The following CDH4 variants were observed in gnomAD, a reference collection of about 807,000 sequenced individuals.
CDH4 encodes cadherin 4.
In CDH4, 33 loss-of-function variants were observed where a neutral mutation model predicts 86.0. That is an observed-to-expected ratio of 0.38 (90% CI 0.29 to 0.51). The LOEUF (loss-of-function observed/expected upper bound fraction) is 0.51, where lower values mean the gene tolerates loss of function less well. CDH4 is among the 20% of genes least tolerant of loss of function. CDH4 has a pLI of 0.86. For synonymous variants in CDH4, 555 were observed against 549.4 expected, an observed-to-expected ratio of 1.01 and a Z score of -0.14; for missense variants, 1,114 against 1,307.4, an observed-to-expected ratio of 0.85 and a Z score of 2.28.
chr20:61,380,604 A>G (rs1429725918), intron 2 of CDH4, among the ~76,000 whole-genome samples: 1 of 151,424 alleles, frequency 6.6e-6, no homozygotes, highest in Admixed American at 6.6e-5. Flanking sequence ...TGAGAAGATA[A>G]TATCTTTCGG....
intron 2 of CDH4, among the ~76,000 whole-genome samples, chr20:61,384,165 C>T (rs1451336657): frequency 2.6e-5 from 4 of 152,088 alleles, no homozygotes; most frequent in Non-Finnish European, 5.9e-5. Flanking sequence ...CCTTTCCCAG[C>T]CCATTGACTC....
At chr20:61,860,193 T>C (rs1983255317) in intron 6 of CDH4, among the ~76,000 whole-genome samples, 1 of 152,236 alleles carries the variant, frequency 6.6e-6, no homozygotes, top group Non-Finnish European at 1.5e-5. Context: ...ATCAGTTCAT[T>C]TTCCTGACTC....
In CDH4 at chr20:61,399,361, T is replaced by C. The variant is rs2085037101; in HGVS notation, c.169+144424T>C. 1.5e-4 allele frequency among the ~76,000 whole-genome samples: 7 copies of C among 46,484 alleles called. 2 individuals carry two copies. The South Asian group carries it at 4.0e-3, about 27-fold the overall frequency. 30.5% of individuals were successfully genotyped at this position (46,484 alleles called of 152,430 possible). A position where few individuals can be genotyped will look rare whatever the true frequency, so the allele number is the denominator to read the frequency against. On this transcript the variant is annotated intron_variant, in intron 2 of 15. Coordinates refer to ENST00000614565, the MANE Select transcript of CDH4 (RefSeq NM_001794.5). ...GTTAGCCAGGATGGTCTCGATCTCC[T>C]GACCTCATGATCCACCCGCCTCAGC... is the stretch of plus-strand genomic sequence containing the variant.
At chr20:61,306,294 G>A (rs1242849605) in intron 2 of CDH4, among the ~76,000 whole-genome samples, 2 of 152,092 alleles carry the variant, frequency 1.3e-5, no homozygotes, top group Non-Finnish European at 2.9e-5. Flanking sequence ...TGCAAGAAAT[G>A]GCTGATTTGC....
chr20:61,870,116 C>T (rs560171657), intron 6 of CDH4, among the ~76,000 whole-genome samples: 5 of 152,316 alleles, frequency 3.3e-5, no homozygotes, highest in Non-Finnish European at 7.4e-5. Context: ...TGGGCTGACT[C>T]GCTGTCCCTC....
chr20:61,803,937 C>A (rs1284750240), intron 4 of CDH4, among the ~76,000 whole-genome samples: 1 of 152,266 alleles, frequency 6.6e-6, no homozygotes, highest in Admixed American at 6.5e-5. Context: ...GAGGCGGTGC[C>A]GAGACGGCGG....
Position 61,340,047 on chromosome 20 carries a change from C to G in CDH4, c.169+85110C>G, listed in dbSNP as rs569158295. Among the ~76,000 whole-genome samples, 12 of 152,304 alleles carry G rather than the reference C, an allele frequency of 7.9e-5. No homozygotes were observed. In the South Asian group the frequency reaches 2.5e-3, roughly 32 times the overall value. ...TTAATGAAGTATAATTCCCAGAAAG[C>G]CTCTTTGACATAATTTTAAAACCCA... On this transcript the variant is annotated intron_variant, in intron 2 of 15. Transcript: ENST00000614565.
intron 2 of CDH4, among the ~76,000 whole-genome samples, chr20:61,382,098 T>A (rs146014347): frequency 6.6e-6 from 1 of 151,744 alleles, no homozygotes; most frequent in Non-Finnish European, 1.5e-5. Flanking sequence ...TAAAAATAAT[T>A]AAAATAAAAA....
intron 2 of CDH4, among the ~76,000 whole-genome samples, chr20:61,672,185 A>G (rs1168839727): frequency 1.3e-5 from 2 of 150,412 alleles, no homozygotes; most frequent in Non-Finnish European, 3.0e-5. Flanking sequence ...GGGTGGGTAT[A>G]TGGATAATGG....
intron 2 of CDH4, among the ~76,000 whole-genome samples, chr20:61,655,553 T>G (rs2087178316): frequency 6.6e-6 from 1 of 152,254 alleles, no homozygotes; most frequent in South Asian, 2.1e-4. Flanking sequence ...GCCCACTTTC[T>G]GGCTGGGCCC....
chr20:61,494,193 G>A (rs1261651155), intron 2 of CDH4, among the ~76,000 whole-genome samples: 2 of 152,144 alleles, frequency 1.3e-5, no homozygotes, highest in Non-Finnish European at 2.9e-5. Flanking sequence ...TTAAAATCAC[G>A]GCTGCTGTTC....
At chr20:61,338,499 G>A (rs962395364) in intron 2 of CDH4, among the ~76,000 whole-genome samples, 8 of 152,142 alleles carry the variant, frequency 5.3e-5, no homozygotes, top group East Asian at 3.9e-4. Flanking sequence ...ATGAGGCCCC[G>A]TCTGGACTTG....
At chr20:61,449,186 G>T (rs1405559675) in intron 2 of CDH4, among the ~76,000 whole-genome samples, 1 of 152,180 alleles carries the variant, frequency 6.6e-6, no homozygotes, top group Non-Finnish European at 1.5e-5. Context: ...CCACATTAGC[G>T]TTTTAACCCA....
intron 3 of CDH4, among the ~76,000 whole-genome samples, chr20:61,771,096 C>T (rs2088771223): frequency 6.6e-6 from 1 of 150,522 alleles, no homozygotes; most frequent in Admixed American, 6.6e-5. Flanking sequence ...CTGCAACCTC[C>T]ACCTCCCGGG....
intron 6 of CDH4, among the ~76,000 whole-genome samples, chr20:61,869,291 C>T (rs1983693786): frequency 6.6e-6 from 1 of 152,228 alleles, no homozygotes; most frequent in South Asian, 2.1e-4. Context: ...AAACACAGCT[C>T]AGCACCTGCT....
rs1293547144 is a variant in CDH4 at position 61,254,883 on chromosome 20, G to A, written c.115G>A (p.Asp39Asn). 5 of 1,613,510 alleles carry A rather than the reference G, an allele frequency of 3.1e-6. No homozygotes were observed. Among genetic ancestry groups the A allele is most frequent in the Non-Finnish European group, 4.2e-6 (5 of 1,179,562 alleles). Reference sequence around the variant, plus strand: ...CTGCAAGGCTGGGTTCTCTGAAGATGATTACACGGCATTAATCTCCCAAAA... The same window carrying A: ...CTGCAAGGCTGGGTTCTCTGAAGATAATTACACGGCATTAATCTCCCAAAA... Reference protein sequence around the residue: ...ETCKAGFSEDDYTALISQNIL... With the variant: ...ETCKAGFSEDNYTALISQNIL... Residue 39 changes from aspartate (D) to asparagine (N), a missense_variant, in exon 2 of 16, where the codon GAT becomes AAT. Physicochemically the swap from Asp to Asn is conservative, Grantham distance 23. Around this residue, in one of 3 missense-constraint regions of CDH4, gnomAD observed 221 missense variants for 209.5 expected, o/e 1.05. Coordinates refer to ENST00000614565, the MANE Select transcript of CDH4 (RefSeq NM_001794.5).
intron 2 of CDH4, among the ~76,000 whole-genome samples, chr20:61,490,291 G>T (rs1235453311): frequency 6.6e-6 from 1 of 152,200 alleles, no homozygotes; most frequent in South Asian, 2.1e-4. Context: ...GCCTGCTAGG[G>T]TGTGCAGCCA....
At chr20:61,371,011 G>A (rs780155898) in intron 2 of CDH4, among the ~76,000 whole-genome samples, 4 of 152,254 alleles carry the variant, frequency 2.6e-5, no homozygotes, top group South Asian at 4.1e-4. Flanking sequence ...GGAACGGGGC[G>A]GGAGCGCGCA....
intron 4 of CDH4, among the ~76,000 whole-genome samples, chr20:61,784,607 G>A (rs529855327): frequency 1.3e-5 from 1 of 77,842 alleles, no homozygotes; most frequent in Non-Finnish European, 2.5e-5. Context: ...CAGGCCCTCC[G>A]ATATCCTGTG....
Sources: allele counts gnomAD v4.1 joint callset (sites outside exome capture counted in the v4.1 genomes callset), GRCh38; gene constraint gnomAD v4.1.1; regional missense constraint gnomAD v4.1.1; transcripts MANE v1.5; gene names NCBI Gene and HGNC (gene_info 2026-07-23, HGNC 2026-07-21).